SPAG16: variants seen among roughly 807,000 people sequenced by gnomAD.
The protein encoded by SPAG16 is sperm-associated antigen 16 protein.
Under a neutral mutation model 80.4 loss-of-function variants are expected in SPAG16, and 86 were observed. The observed-to-expected ratio is 1.07, with a 90% CI of 0.90 to 1.28. The LOEUF (loss-of-function observed/expected upper bound fraction) is 1.28, where lower values mean the gene tolerates loss of function less well. SPAG16 is among the 50% of genes most tolerant of loss of function. The pLI is 0.00. For missense variants in SPAG16, 870 were observed against 765.3 expected (o/e 1.14, Z -1.61); for synonymous variants, 294 against 265.9 (o/e 1.11, Z -1.03).
intron 13 of SPAG16, among the ~76,000 whole-genome samples, chr2:214,042,996 A>T (rs961047952): frequency 6.6e-6 from 1 of 152,138 alleles, no homozygotes; most frequent in Middle Eastern, 3.2e-3. Context: ...ACTTATAAGA[A>T]TCTGAGATCT....
At chr2:213,432,098 C>G (rs376162059) in intron 9 of SPAG16, among the ~76,000 whole-genome samples, 90 of 152,066 alleles carry the variant, frequency 5.9e-4, no homozygotes, top group African/African-American at 2.0e-3. Flanking sequence ...AAAAGCAGTG[C>G]TCAGAGGCAA....
At chr2:213,933,276 TAAC>T (rs2078849453) in intron 12 of SPAG16, among the ~76,000 whole-genome samples, 2 of 152,334 alleles carry the variant, frequency 1.3e-5, no homozygotes, top group South Asian at 2.1e-4. Context: ...TGAAATGACT[TAAC>T]AATGTTGGTC....
chr2:213,990,416 C>T (rs2046220935), intron 12 of SPAG16, among the ~76,000 whole-genome samples: 1 of 152,102 alleles, frequency 6.6e-6, no homozygotes, highest in African/African-American at 2.4e-5. Context: ...TAACTTTTGA[C>T]ATTCCCAAAC....
intron 10 of SPAG16, among the ~76,000 whole-genome samples, chr2:213,619,080 G>A (rs771795085): frequency 1.4e-4 from 22 of 152,108 alleles, no homozygotes; most frequent in Non-Finnish European, 3.2e-4. Flanking sequence ...CAACGGTAAA[G>A]CAACATGTAA....
At chr2:214,268,747 G>T (rs1691774875) in intron 15 of SPAG16, among the ~76,000 whole-genome samples, 1 of 151,108 alleles carries the variant, frequency 6.6e-6, no homozygotes, top group Non-Finnish European at 1.5e-5. Flanking sequence ...TCTGAAGGGT[G>T]TGTGTGTGTG....
At chr2:213,556,312 C>CAAAAAAAAAAAAAAAAAAAAAAAAA (rs35010847) in intron 10 of SPAG16, among the ~76,000 whole-genome samples, 1 of 112,838 alleles carries the variant, frequency 8.9e-6, no homozygotes, top group African/African-American at 3.4e-5. Flanking sequence ...AAAAAAAAAC[C>CAAAAAAAAAAAAAAAAAAAAAAAAA]AAAAAAAAAA....
intron 15 of SPAG16, among the ~76,000 whole-genome samples, chr2:214,194,694 TG>T (rs2057774115): frequency 6.6e-6 from 1 of 152,008 alleles, no homozygotes; most frequent in Admixed American, 6.6e-5. Context: ...ATTAATAAAA[TG>T]GCAAAAAGGG....
At chr2:214,201,453 C>G (rs2058007084) in intron 15 of SPAG16, among the ~76,000 whole-genome samples, 1 of 152,108 alleles carries the variant, frequency 6.6e-6, no homozygotes, top group Admixed American at 6.6e-5. Flanking sequence ...ATGCACAGTA[C>G]ATGACAAGAT....
At chr2:214,386,630 G>A (rs557102349) in intron 15 of SPAG16, among the ~76,000 whole-genome samples, 17 of 151,876 alleles carry the variant, frequency 1.1e-4, no homozygotes, top group South Asian at 8.3e-4. Context: ...GGGAGGCTGC[G>A]GCAGATAGAG....
At chr2:213,801,023 A>G (rs2071362716) in intron 10 of SPAG16, among the ~76,000 whole-genome samples, 2 of 152,364 alleles carry the variant, frequency 1.3e-5, no homozygotes, top group South Asian at 4.1e-4. Flanking sequence ...CCAATAGCAT[A>G]AAAACAATAA....
intron 15 of SPAG16, among the ~76,000 whole-genome samples, chr2:214,356,883 ACCTTT>A (rs2126062055): frequency 6.6e-6 from 1 of 151,956 alleles, no homozygotes; most frequent in East Asian, 1.9e-4. Context: ...TCTATCTCAT[ACCTTT>A]CTTTTGTGGT....
chr2:214,108,482 C>A (rs2053510266), intron 14 of SPAG16, among the ~76,000 whole-genome samples: 1 of 134,960 alleles, frequency 7.4e-6, no homozygotes, highest in African/African-American at 2.9e-5. Flanking sequence ...CACACACACC[C>A]CCACACACAC....
chr2:213,336,334 A>G (rs1454673602), intron 5 of SPAG16, among the ~76,000 whole-genome samples: 1 of 152,224 alleles, frequency 6.6e-6, no homozygotes, highest in Non-Finnish European at 1.5e-5. Flanking sequence ...GGGAACTCCC[A>G]TGAGGCAGGA....
chr2:213,506,965 C>T (rs1384470838), intron 10 of SPAG16, among the ~76,000 whole-genome samples: 2 of 152,208 alleles, frequency 1.3e-5, no homozygotes, highest in Non-Finnish European at 2.9e-5. Flanking sequence ...AAGAGACTCT[C>T]TTTCCATTAT....
intron 9 of SPAG16, among the ~76,000 whole-genome samples, chr2:213,466,791 A>G (rs903461834): frequency 1.3e-5 from 2 of 152,208 alleles, no homozygotes; most frequent in Non-Finnish European, 2.9e-5. Flanking sequence ...ACCTGAGGAT[A>G]AAGGAACTCA....
chr2:214,259,916 A>G (rs888722393), intron 15 of SPAG16, among the ~76,000 whole-genome samples: 2 of 152,208 alleles, frequency 1.3e-5, no homozygotes, highest in African/African-American at 4.8e-5. Context: ...ATGAAAGCTC[A>G]GGGACATTAA....
At chr2:213,940,194 A>G (rs144918022) in intron 12 of SPAG16, among the ~76,000 whole-genome samples, 1 of 152,358 alleles carries the variant, frequency 6.6e-6, no homozygotes, top group East Asian at 1.9e-4. Context: ...TAGCTGTGCT[A>G]AAATATCTGA....
intron 15 of SPAG16, among the ~76,000 whole-genome samples, chr2:214,170,247 T>TGTATACATATACACACACACTTAGGTGA (rs2056824513): frequency 8.2e-6 from 1 of 121,712 alleles, no homozygotes; most frequent in African/African-American, 2.5e-5. Flanking sequence ...CACTTAGGTG[T>TGTATACATATACACACACACTTAGGTGA]GTATACATAT....
At chr2:214,156,557 A>G (rs1206134257) in intron 15 of SPAG16, among the ~76,000 whole-genome samples, 1 of 152,170 alleles carries the variant, frequency 6.6e-6, no homozygotes, top group Non-Finnish European at 1.5e-5. Context: ...AGGAGAGAGG[A>G]TCTCTTGGCC....
Sources: allele counts gnomAD v4.1 joint callset (sites outside exome capture counted in the v4.1 genomes callset), GRCh38; gene constraint gnomAD v4.1.1; transcripts MANE v1.5; gene names NCBI Gene and HGNC (gene_info 2026-07-23, HGNC 2026-07-21).